SLIT2: variants seen among roughly 807,000 people sequenced by gnomAD.
The protein encoded by SLIT2 is slit guidance ligand 2, also known as slit homolog 2 protein.
SLIT2 carries 41 observed loss-of-function variants against 185.7 expected under a neutral mutation model. The ratio of observed to expected loss-of-function variants is 0.22; its 90% confidence interval spans 0.17 to 0.29. The LOEUF (loss-of-function observed/expected upper bound fraction) is 0.29. Ranked by LOEUF, SLIT2 falls within the 10% of genes least tolerant of loss-of-function variation. SLIT2 has a pLI of 1.00. For missense variants in SLIT2, 1,571 were observed against 1,909.0 expected (o/e 0.82, Z 3.30); for synonymous variants, 693 against 680.2 (o/e 1.02, Z -0.29).
chr4:20,515,477 A>G (rs1720112947), intron 11 of SLIT2, among the ~76,000 whole-genome samples: 1 of 152,164 alleles, frequency 6.6e-6, no homozygotes, highest in Non-Finnish European at 1.5e-5. Context: ...ACAGGGGTCT[A>G]CAGTGGAAGA....
Position 20,617,039 on chromosome 4 carries a change from AAACAGGCATTT to A in SLIT2, c.3978_3988del (p.Gln1326HisfsTer5), listed in dbSNP as rs747072665. The A allele has an allele frequency of 6.2e-7, 1 of 1,614,210 alleles. No homozygotes were observed. On this transcript the variant is annotated frameshift_variant, in exon 35 of 37. Coordinates refer to ENST00000504154, the MANE Select transcript of SLIT2 (RefSeq NM_004787.4). LOFTEE classifies it high-confidence loss of function. ...CAGGACTTCCAGAAGGTGCCGATGC[AAACAGGCATTT>A]TGCCTGGCTGTGAGCCATGCCACAA...
intron 4 of SLIT2, among the ~76,000 whole-genome samples, chr4:20,362,593 A>G (rs1722825528): frequency 6.6e-6 from 1 of 151,722 alleles, no homozygotes; most frequent in African/African-American, 2.4e-5. Context: ...AATTATATAA[A>G]TTTTTATATT....
chr4:20,255,093 G>A (rs1302989329), intron 1 of SLIT2: 1 of 455,638 alleles, frequency 2.2e-6, no homozygotes, highest in African/African-American at 2.0e-5. Flanking sequence ...CCGCTCTCGC[G>A]GTTGCGTGTG....
At chr4:20,504,912 G>A (rs984795030) in intron 9 of SLIT2, among the ~76,000 whole-genome samples, 1 of 150,834 alleles carries the variant, frequency 6.6e-6, no homozygotes, top group African/African-American at 2.4e-5. Flanking sequence ...TATTATTATT[G>A]TTAATCTCTT....
At chr4:20,368,473 T>C (rs1053652693) in intron 4 of SLIT2, among the ~76,000 whole-genome samples, 1 of 152,060 alleles carries the variant, frequency 6.6e-6, no homozygotes, top group Non-Finnish European at 1.5e-5. Context: ...TATATGTGTG[T>C]TTGGTAAACC....
At chr4:20,390,140 C>G (rs143359263) in intron 4 of SLIT2, among the ~76,000 whole-genome samples, 1 of 152,034 alleles carries the variant, frequency 6.6e-6, no homozygotes, top group African/African-American at 2.4e-5. Flanking sequence ...CTGCTAGAGA[C>G]TTGGATCACT....
chr4:20,329,708 A>G (rs908575178), intron 4 of SLIT2, among the ~76,000 whole-genome samples: 3 of 152,082 alleles, frequency 2.0e-5, no homozygotes, highest in East Asian at 3.9e-4. Context: ...CCCTCTGGGT[A>G]ACAGTCTAAG....
At chr4:20,257,547 A>G (rs751277066) in intron 2 of SLIT2, among the ~76,000 whole-genome samples, 2 of 152,000 alleles carry the variant, frequency 1.3e-5, no homozygotes, top group Non-Finnish European at 2.9e-5. Flanking sequence ...TAAGTTGAAA[A>G]CCAGTGTATC....
intron 5 of SLIT2, among the ~76,000 whole-genome samples, chr4:20,480,475 A>G (rs1398700738): frequency 6.6e-6 from 1 of 152,186 alleles, no homozygotes; most frequent in East Asian, 1.9e-4. Flanking sequence ...TATAAGGTGC[A>G]GTTATTATTT....
chr4:20,268,020 T>G (rs1448892385), intron 3 of SLIT2, among the ~76,000 whole-genome samples: 3 of 151,938 alleles, frequency 2.0e-5, no homozygotes, highest in Admixed American at 1.3e-4. Context: ...AATTGTACAC[T>G]GAAAACAGAT....
At chr4:20,346,842 A>G (rs1721451025) in intron 4 of SLIT2, among the ~76,000 whole-genome samples, 1 of 152,188 alleles carries the variant, frequency 6.6e-6, no homozygotes, top group African/African-American at 2.4e-5. Context: ...CGGGAGAAAG[A>G]TGAAGACCGG....
intron 5 of SLIT2, among the ~76,000 whole-genome samples, chr4:20,473,575 T>TTG (rs1715793691): frequency 6.6e-6 from 1 of 152,062 alleles, no homozygotes; most frequent in African/African-American, 2.4e-5. Flanking sequence ...GTTAGAAATT[T>TTG]TGTTTTTCTG....
Position 20,255,776 on chromosome 4 carries a change from G to A in SLIT2, c.180-896G>A, listed in dbSNP as rs184124605. ...AAGTTTCCAGAAAATAGTTTACTGG[G>A]TGCTGACTTGTAAAATTCTATCATT... On this transcript the variant is annotated intron_variant, in intron 1 of 36. Coordinates refer to ENST00000504154, the MANE Select transcript of SLIT2 (RefSeq NM_004787.4). Among the ~76,000 whole-genome samples, 281 of 152,242 alleles carry A rather than the reference G, an allele frequency of 1.8e-3. 1 individual carries two copies. In the Middle Eastern group the frequency reaches 0.024, roughly 13 times the overall value.
intron 5 of SLIT2, among the ~76,000 whole-genome samples, chr4:20,468,567 A>G (rs1400989519): frequency 1.3e-5 from 2 of 152,122 alleles, no homozygotes. Flanking sequence ...CTAAGGATGC[A>G]TATCAGATTT....
At chr4:20,472,395 T>TAG (rs566109126) in intron 5 of SLIT2, among the ~76,000 whole-genome samples, 34 of 38,830 alleles carry the variant, frequency 8.8e-4, no homozygotes, top group South Asian at 2.8e-3. Context: ...TGTAGATATA[T>TAG]AGATATAGAT....
chr4:20,275,422 A>T (rs942122119), intron 4 of SLIT2, among the ~76,000 whole-genome samples: 2 of 152,170 alleles, frequency 1.3e-5, no homozygotes, highest in African/African-American at 4.8e-5. Context: ...TCAAAGGAAC[A>T]TTGTAAATTT....
chr4:20,466,259 G>C (rs969647761), intron 4 of SLIT2, among the ~76,000 whole-genome samples: 2 of 152,006 alleles, frequency 1.3e-5, no homozygotes, highest in Non-Finnish European at 2.9e-5. Context: ...TTAAGCAAAG[G>C]AAGGAAGTCA....
intron 4 of SLIT2, among the ~76,000 whole-genome samples, chr4:20,360,773 C>T (rs1722674510): frequency 6.6e-6 from 1 of 152,014 alleles, no homozygotes; most frequent in Admixed American, 6.6e-5. Flanking sequence ...GAAGCAATAA[C>T]AGTTGTAAGA....
intron 12 of SLIT2, 54 bp from the exon 13 acceptor site, chr4:20,523,706 C>A: frequency 6.7e-7 from 1 of 1,492,776 alleles, no homozygotes; most frequent in Non-Finnish European, 9.3e-7. Flanking sequence ...CAAAATCTTG[C>A]AGGTGAGTTA....
Sources: allele counts gnomAD v4.1 joint callset (sites outside exome capture counted in the v4.1 genomes callset), GRCh38; gene constraint gnomAD v4.1.1; transcripts MANE v1.5; gene names NCBI Gene and HGNC (gene_info 2026-07-23, HGNC 2026-07-21).